NDRG2: variants seen among roughly 807,000 people sequenced by gnomAD.
NDRG2 encodes the protein NDRG family member 2.
A neutral mutation model predicts 58.2 loss-of-function variants in NDRG2; 34 were observed. The ratio of observed to expected loss-of-function variants is 0.58; its 90% confidence interval spans 0.44 to 0.78. NDRG2 has a LOEUF of 0.78. Ranked by LOEUF, NDRG2 falls within the 30% of genes least tolerant of loss-of-function variation. The pLI, the probability that NDRG2 is intolerant of heterozygous loss-of-function variation, is 0.00. For synonymous variants in NDRG2, 187 were observed against 175.9 expected, an observed-to-expected ratio of 1.06 and a Z score of -0.50; for missense variants, 434 against 471.2, an observed-to-expected ratio of 0.92 and a Z score of 0.73.
intron 1 of NDRG2, among the ~76,000 whole-genome samples, chr14:21,059,558 A>T (rs1385523935): frequency 2.6e-5 from 4 of 151,976 alleles, no homozygotes; most frequent in Non-Finnish European, 5.9e-5. Flanking sequence ...GCAGTGGCCC[A>T]ATCTCTGCTC....
intron 1 of NDRG2, chr14:21,034,205 G>A: frequency 6.2e-7 from 1 of 1,614,068 alleles, no homozygotes. Flanking sequence ...AGTTCCTGCT[G>A]CCAATCTGCA....
At position 21,022,856 on chromosome 14, in the gene NDRG2, ACT is replaced by A; in HGVS notation, c.117+6_117+7del. ...CCTCCCACCTTGGGACTGCCCCCAC[ACT>A]GTTACCTGTCCCTGGTCCAGGAGGA... On this transcript the variant is annotated splice_donor_region_variant and intron_variant, in intron 3 of 15. Coordinates refer to ENST00000556147, the MANE Select transcript of NDRG2 (RefSeq NM_001320329.2). 1.2e-6 allele frequency: 2 copies of A among 1,613,404 alleles called. No homozygotes were observed. Among genetic ancestry groups the A allele is most frequent in the Admixed American group, 3.3e-5 (2 of 59,976 alleles).
intron 14 of NDRG2, 36 bp downstream of exon 14, chr14:21,018,168 T>C: frequency 6.2e-7 from 1 of 1,612,580 alleles, no homozygotes; most frequent in South Asian, 1.1e-5. Context: ...GTATCCTATG[T>C]CCCTTCCCCA....
Position 21,022,089 on chromosome 14 carries a change from T to G in NDRG2, c.317A>C (p.Glu106Ala). Residue 106 changes from glutamate to alanine, a missense_variant, in exon 5 of 16, where the codon GAA becomes GCA. By Grantham distance (107) the Glu-to-Ala change is moderately radical. Transcript: ENST00000556147. ...CAAAGGGAACACAGGGGCTCCCTCTTCCATTCCAGGGGCATCCACATGAAC... is the reference window on the plus strand; with the variant it reads ...CAAAGGGAACACAGGGGCTCCCTCTGCCATTCCAGGGGCATCCACATGAAC... ...VRVHVDAPGM[E>A]EGAPVFPLGY... The G allele has an allele frequency of 6.2e-7, 1 of 1,614,116 alleles. No homozygotes were observed. The highest frequency in any genetic ancestry group is 8.5e-7 in the Non-Finnish European group (1 of 1,180,020).
intron 1 of NDRG2, among the ~76,000 whole-genome samples, chr14:21,050,972 T>C (rs1328870256): frequency 6.6e-6 from 1 of 152,216 alleles, no homozygotes; most frequent in Non-Finnish European, 1.5e-5. Context: ...GCTAAAAAAA[T>C]TTAATGTAAC....
chr14:21,017,777 C>G lies in NDRG2; in HGVS notation c.950-15G>C, dbSNP rs753865924. On this transcript the variant is annotated splice_polypyrimidine_tract_variant and intron_variant, in intron 15 of 15. Transcript: ENST00000556147. ...GGATGAGGCCACTGTGGAGACAGCA[C>G]GATGCACAAGCAGTCAGAGAGGAAG... 1.2e-6 allele frequency: 2 copies of G among 1,602,136 alleles called. No individual in the cohort carries two copies. The highest frequency in any genetic ancestry group is 1.7e-6 in the Non-Finnish European group (2 of 1,173,796).
At chr14:21,063,135 G>T (rs909964360) in intron 1 of NDRG2, among the ~76,000 whole-genome samples, 4 of 151,688 alleles carry the variant, frequency 2.6e-5, no homozygotes, top group Admixed American at 6.6e-5. Context: ...GTCTCAAAAA[G>T]GAAACAAAAG....
Position 21,020,818 on chromosome 14 carries a change from A to G in NDRG2, c.434T>C (p.Val145Ala). The G allele has an allele frequency of 6.2e-7, 1 of 1,613,606 alleles. No individual in the cohort carries two copies. The highest frequency in any genetic ancestry group is 8.5e-7 in the Non-Finnish European group (1 of 1,179,932). Residue 145 changes from valine (V) to alanine (A), a missense_variant, in exon 7 of 16, where the codon GTT becomes GCT. Transcript: ENST00000556147. Reference sequence around the variant, plus strand: ...CGCCAGGATGTAGGCTCCAGCTCCAACACCAACTCCAATTATTGTAGAGAA... The same window carrying G: ...CGCCAGGATGTAGGCTCCAGCTCCAGCACCAACTCCAATTATTGTAGAGAA... ...LNFSTIIGVG[V>A]GAGAYILARY...
intron 13 of NDRG2, 38 bp downstream of exon 13, chr14:21,018,419 T>C: frequency 6.2e-7 from 1 of 1,612,818 alleles, no homozygotes; most frequent in Non-Finnish European, 8.5e-7. Context: ...AGAGAGGATA[T>C]ATGACTGTGG....
At chr14:21,028,576 G>T (rs957049687), upstream of NDRG2, 3 of 152,132 alleles carry the variant, frequency 2.0e-5, no homozygotes, top group African/African-American at 7.2e-5. Flanking sequence ...CTAGTTAGTT[G>T]TATAGGTCCT....
At position 21,019,781 on chromosome 14, in the gene NDRG2, G is replaced by C. The variant is rs778336797; in HGVS notation, c.613-39C>G. On this transcript the variant is annotated intron_variant, in intron 9 of 15. Transcript: ENST00000556147. ...CAAGGAGAAAAATTAGGGATGGAAA[G>C]AGAAAACAACAATTACTGGAGGAAA... 7.1e-6 allele frequency: 11 copies of C among 1,540,868 alleles called. No individual in the cohort carries two copies. The South Asian group carries it at 1.1e-4, about 16-fold the overall frequency.
intron 1 of NDRG2, among the ~76,000 whole-genome samples, chr14:21,041,082 C>T (rs1884875504): frequency 6.6e-6 from 1 of 152,102 alleles, no homozygotes; most frequent in Non-Finnish European, 1.5e-5. Flanking sequence ...CAGATTTTAT[C>T]TCTCAAGCTC....
At chr14:21,036,085 G>A (rs1042767779) in intron 1 of NDRG2, 34 of 411,234 alleles carry the variant, frequency 8.3e-5, no homozygotes, top group African/African-American at 3.1e-4. Flanking sequence ...ACCAGTGCCC[G>A]GCACATGGTG....
chr14:21,067,732 A>G (rs180869077), intron 1 of NDRG2, among the ~76,000 whole-genome samples: 6 of 148,066 alleles, frequency 4.1e-5, no homozygotes, highest in South Asian at 2.1e-4. Context: ...AAACACACGT[A>G]TCAACACATA....
Position 21,018,230 on chromosome 14 carries a change from A to C in NDRG2, c.871T>G (p.Ser291Ala). Reference protein sequence around the residue: ...TQTSFLKMADSGGQPQLTQPG... With the variant: ...TQTSFLKMADAGGQPQLTQPG... ...TGAGTCAGCTGGGGCTGACCTCCGGAGTCAGCCATCTGTTCAGGAGAGCAC... is the reference window on the plus strand; with the variant it reads ...TGAGTCAGCTGGGGCTGACCTCCGGCGTCAGCCATCTGTTCAGGAGAGCAC... Residue 291 changes from serine to alanine, a missense_variant, in exon 14 of 16, where the codon TCC becomes GCC. Transcript: ENST00000556147. The C allele has an allele frequency of 6.2e-7, 1 of 1,613,740 alleles. No homozygotes were observed. Among genetic ancestry groups the C allele is most frequent in the African/African-American group, 1.3e-5 (1 of 75,042 alleles).
At chr14:21,017,840 G>A (rs979915084) in intron 15 of NDRG2, 78 bp from the exon 16 acceptor site, 1 of 1,604,090 alleles carries the variant, frequency 6.2e-7, no homozygotes, top group Non-Finnish European at 8.5e-7. Context: ...TGTGGTCCTT[G>A]GATTATGGAC....
At chr14:21,064,728 T>G (rs1886167088) in intron 1 of NDRG2, among the ~76,000 whole-genome samples, 1 of 152,236 alleles carries the variant, frequency 6.6e-6, no homozygotes, top group South Asian at 2.1e-4. Context: ...TACAACTACA[T>G]GAAAGAGTTT....
chr14:21,022,928 A>C, intron 2 of NDRG2, 23 bp from the exon 3 acceptor site: 1 of 1,613,918 alleles, frequency 6.2e-7, no homozygotes, highest in Non-Finnish European at 8.5e-7. Context: ...ACACGGATTC[A>C]CACAGAAACA....
chr14:21,022,272 C>A, intron 4 of NDRG2, 90 bp from the exon 5 acceptor site: 1 of 1,600,966 alleles, frequency 6.2e-7, no homozygotes, highest in South Asian at 1.1e-5. Context: ...ATGCCACAGT[C>A]AGACCAGGAG....
Sources: gnomAD v4.1 joint callset for allele counts (sites outside exome capture counted in the v4.1 genomes callset) on GRCh38, gnomAD v4.1.1 for gene constraint, MANE v1.5 for transcripts, NCBI Gene and HGNC (gene_info 2026-07-23, HGNC 2026-07-21) for gene names.